The following LRRC3B variants were observed in gnomAD, a reference collection of about 807,000 sequenced individuals.
LRRC3B encodes leucine rich repeat containing 3B, also known as leucine-rich repeat-containing protein 3B.
A neutral mutation model predicts 12.8 loss-of-function variants in LRRC3B; 2 were observed. The ratio of observed to expected loss-of-function variants is 0.16; its 90% CI spans 0.06 to 0.49. LRRC3B has a LOEUF of 0.49. Ranked by LOEUF, LRRC3B falls within the 20% of genes least tolerant of loss-of-function variation. The pLI, the probability that LRRC3B is intolerant of heterozygous loss-of-function variation, is 0.96. For missense variants in LRRC3B, 189 were observed against 319.4 expected, an observed-to-expected ratio of 0.59 and a Z score of 3.11; for synonymous variants, 132 against 122.0, an observed-to-expected ratio of 1.08 and a Z score of -0.54.
At chr3:26,689,678 G>A (rs890706507) in intron 1 of LRRC3B, among the ~76,000 whole-genome samples, 9 of 152,202 alleles carry the variant, frequency 5.9e-5, no homozygotes, top group African/African-American at 1.9e-4. Context: ...GCATTGTTAA[G>A]GGTAGAGTGG....
rs1195473054 is a variant in LRRC3B, at chr3:26,671,373, T to TAGAGAGAGAGAGAGAGAGAGAGAGAGAG, written c.-160-38126_-160-38099dup. Among the ~76,000 whole-genome samples the TAGAGAGAGAGAGAGAGAGAGAGAGAGAG allele has an allele frequency of 4.6e-4, 13 of 28,256 alleles. 1 individual carries two copies. The highest frequency in any genetic ancestry group is 5.4e-4 in the Non-Finnish European group (9 of 16,774). 18.5% of individuals were successfully genotyped at this position (28,256 alleles called of 152,430 possible). The stretch of plus-strand genomic sequence containing the variant: ...GTGTATATATATATATATATATATA[T>TAGAGAGAGAGAGAGAGAGAGAGAGAGAG]AGAGAGAGAGAGAGAGAGAGAGAGA... On this transcript the variant is annotated intron_variant, in intron 1 of 1. Coordinates refer to ENST00000396641, the Ensembl canonical transcript of LRRC3B.
chr3:26,656,121 T>A (rs1282451460), intron 1 of LRRC3B, among the ~76,000 whole-genome samples: 2 of 152,146 alleles, frequency 1.3e-5, no homozygotes, highest in Non-Finnish European at 2.9e-5. Context: ...AAGGATGGAT[T>A]TGATAGTCTC....
intron 1 of LRRC3B, among the ~76,000 whole-genome samples, chr3:26,662,857 GGTTT>G (rs755002289): frequency 1.3e-5 from 2 of 152,010 alleles, no homozygotes; most frequent in African/African-American, 2.4e-5. Flanking sequence ...GCCTGAAATT[GGTTT>G]GTTTATTTTC....
At chr3:26,707,320 C>T (rs1389561364) in intron 1 of LRRC3B, among the ~76,000 whole-genome samples, 1 of 150,780 alleles carries the variant, frequency 6.6e-6, no homozygotes, top group Non-Finnish European at 1.5e-5. Flanking sequence ...GAGCCGAGAT[C>T]ACACCACTGC....
At chr3:26,633,050 C>T (rs1602313) in intron 1 of LRRC3B, among the ~76,000 whole-genome samples, 58,102 of 151,988 alleles carry the variant, frequency 0.38, 12,673 homozygotes, top group Middle Eastern at 0.53. Flanking sequence ...ACCACTGCCC[C>T]TGCCCCACCA....
At chr3:26,672,997 A>G (rs1699782939) in intron 1 of LRRC3B, among the ~76,000 whole-genome samples, 1 of 152,202 alleles carries the variant, frequency 6.6e-6, no homozygotes, top group Non-Finnish European at 1.5e-5. Context: ...TTATTGTCCA[A>G]AAATTTTACT....
chr3:26,709,663 A>G (rs769016790), exon 2 of LRRC3B: 2 of 1,610,874 alleles, frequency 1.2e-6, no homozygotes, highest in Non-Finnish European at 1.7e-6. Flanking sequence ...GATTATGCTG[A>G]CATTCCAGCA....
chr3:26,646,983 C>T (rs1907163), intron 1 of LRRC3B, among the ~76,000 whole-genome samples: 3 of 151,836 alleles, frequency 2.0e-5, no homozygotes, highest in Non-Finnish European at 2.9e-5. Flanking sequence ...TACTCAAGTG[C>T]GTAGCTCCTT....
At chr3:26,635,058 A>G (rs1466571123) in intron 1 of LRRC3B, among the ~76,000 whole-genome samples, 2 of 152,224 alleles carry the variant, frequency 1.3e-5, no homozygotes, top group African/African-American at 4.8e-5. Context: ...AAGCACATTC[A>G]TTATGAGTTT....
intron 1 of LRRC3B, among the ~76,000 whole-genome samples, chr3:26,629,716 G>GT (rs1049455749): frequency 2.0e-5 from 3 of 152,144 alleles, no homozygotes; most frequent in Admixed American, 2.0e-4. Flanking sequence ...GTGTTGTGTG[G>GT]TTTTTTATTG....
At chr3:26,652,149 A>G (rs1038798272) in intron 1 of LRRC3B, among the ~76,000 whole-genome samples, 1 of 152,214 alleles carries the variant, frequency 6.6e-6, no homozygotes, top group Non-Finnish European at 1.5e-5. Flanking sequence ...GAAATGGAAG[A>G]AAAGTCAGAG....
intron 1 of LRRC3B, among the ~76,000 whole-genome samples, chr3:26,677,357 G>A (rs1699881816): frequency 6.6e-6 from 1 of 152,190 alleles, no homozygotes; most frequent in Non-Finnish European, 1.5e-5. Flanking sequence ...ATACCAGGGT[G>A]AACCTAAGGG....
chr3:26,671,373 T>TATATATATAGAGAGAGAG (rs1261897533), intron 1 of LRRC3B, among the ~76,000 whole-genome samples: 5 of 28,258 alleles, frequency 1.8e-4, no homozygotes, highest in East Asian at 2.5e-3. Flanking sequence ...TATATATATA[T>TATATATATAGAGAGAGAG]AGAGAGAGAG....
At chr3:26,661,881 T>C (rs1459408155) in intron 1 of LRRC3B, among the ~76,000 whole-genome samples, 1 of 152,180 alleles carries the variant, frequency 6.6e-6, no homozygotes, top group African/African-American at 2.4e-5. Context: ...TCTCTGACAC[T>C]TCTGTGCCTT....
intron 1 of LRRC3B, among the ~76,000 whole-genome samples, chr3:26,684,952 ATTTTATTTTAT>A (rs1035785577): frequency 7.5e-6 from 1 of 133,830 alleles, no homozygotes; most frequent in African/African-American, 4.0e-5. Flanking sequence ...ATTTTATTTT[ATTTTATTTTAT>A]TTTATTTTAA....
At chr3:26,677,827 G>T (rs533295552) in intron 1 of LRRC3B, among the ~76,000 whole-genome samples, 52 of 151,866 alleles carry the variant, frequency 3.4e-4, no homozygotes, top group Non-Finnish European at 3.4e-4. Flanking sequence ...GTGAGACAGG[G>T]TCTCACTCTG....
intron 1 of LRRC3B, chr3:26,625,386 A>T (rs1698602939): frequency 6.6e-6 from 1 of 152,284 alleles, no homozygotes; most frequent in African/African-American, 2.4e-5. Flanking sequence ...CCAGAGCCCC[A>T]AGGAGCAGAA....
rs1491492543 is a variant in LRRC3B, at chr3:26,636,958, CTT to C, written c.-161+13723_-161+13724del. ...TCTTTCTTTCTTTCTTTCTTTCTTTCTTTCTTTCTTTCTTTCTCTCTCTCTCT... is the reference window on the plus strand; with the variant it reads ...TCTTTCTTTCTTTCTTTCTTTCTTTCTCTTTCTTTCTTTCTCTCTCTCTCT... On this transcript the variant is annotated intron_variant, in intron 1 of 1. Transcript: ENST00000396641. 1.9e-3 allele frequency among the ~76,000 whole-genome samples: 240 copies of C among 125,214 alleles called. 3 individuals carry two copies. The highest frequency in any genetic ancestry group is 4.9e-3 in the South Asian group (18 of 3,644). 82.1% of individuals were successfully genotyped at this position (125,214 alleles called of 152,430 possible).
intron 1 of LRRC3B, among the ~76,000 whole-genome samples, chr3:26,699,964 G>A (rs1304414223): frequency 2.6e-5 from 4 of 152,090 alleles, no homozygotes; most frequent in African/African-American, 7.2e-5. Context: ...AAATGTATTT[G>A]TTTGTTTTTC....
Sources: gnomAD v4.1 joint callset for allele counts (sites outside exome capture counted in the v4.1 genomes callset) on GRCh38, gnomAD v4.1.1 for gene constraint, MANE v1.5 for transcripts, NCBI Gene and HGNC (gene_info 2026-07-23, HGNC 2026-07-21) for gene names.